ROBO1: variants seen among roughly 807,000 people sequenced by gnomAD.
ROBO1 encodes roundabout guidance receptor 1.
A neutral mutation model predicts 195.9 loss-of-function variants in ROBO1; 149 were observed. The ratio of observed to expected loss-of-function variants is 0.76; its 90% CI spans 0.67 to 0.87. The LOEUF is 0.87. ROBO1 is among the 40% of genes least tolerant of loss of function. The pLI is 0.00. For synonymous variants in ROBO1, 816 were observed against 733.2 expected, an observed-to-expected ratio of 1.11 and a Z score of -1.82; for missense variants, 1,933 against 2,068.3, an observed-to-expected ratio of 0.93 and a Z score of 1.27.
intron 2 of ROBO1, among the ~76,000 whole-genome samples, chr3:79,144,469 C>A (rs925898492): frequency 2.0e-5 from 3 of 151,884 alleles, no homozygotes; most frequent in Non-Finnish European, 4.4e-5. Flanking sequence ...TTCTCCTCTC[C>A]TTTCCTTCTT....
intron 2 of ROBO1, among the ~76,000 whole-genome samples, chr3:79,337,686 T>C (rs2034734314): frequency 6.6e-6 from 1 of 152,224 alleles, no homozygotes; most frequent in Non-Finnish European, 1.5e-5. Context: ...AGCTATACTT[T>C]ATCAAAATAT....
intron 2 of ROBO1, among the ~76,000 whole-genome samples, chr3:79,518,078 C>T (rs1941030037): frequency 6.6e-6 from 1 of 152,096 alleles, no homozygotes; most frequent in Non-Finnish European, 1.5e-5. Flanking sequence ...TTCTAATTTA[C>T]CTACAATGAT....
intron 2 of ROBO1, among the ~76,000 whole-genome samples, chr3:79,309,478 G>T (rs1164003909): frequency 1.3e-5 from 2 of 152,084 alleles, no homozygotes; most frequent in African/African-American, 4.8e-5. Flanking sequence ...GGTGGCATGT[G>T]TCTGTAGTTC....
chr3:78,843,247 A>G (rs1413923002), intron 4 of ROBO1, among the ~76,000 whole-genome samples: 3 of 152,124 alleles, frequency 2.0e-5, no homozygotes, highest in Non-Finnish European at 2.9e-5. Flanking sequence ...TGTTTTAACT[A>G]TTTAAAAATT....
At chr3:79,540,495 G>A (rs570037181) in intron 2 of ROBO1, among the ~76,000 whole-genome samples, 173 of 151,980 alleles carry the variant, frequency 1.1e-3, no homozygotes, top group Non-Finnish European at 1.8e-3. Context: ...TTCAACATCC[G>A]CTCATAACCC....
At chr3:79,307,640 A>G (rs1217632712) in intron 2 of ROBO1, among the ~76,000 whole-genome samples, 1 of 152,032 alleles carries the variant, frequency 6.6e-6, no homozygotes, top group African/African-American at 2.4e-5. Flanking sequence ...TATGGTTCTT[A>G]TTAGAATTTT....
intron 2 of ROBO1, among the ~76,000 whole-genome samples, chr3:79,475,608 T>C (rs1938510904): frequency 1.3e-5 from 2 of 152,064 alleles, no homozygotes; most frequent in South Asian, 2.1e-4. Context: ...ATTTTATTAC[T>C]ATATTACTTA....
chr3:79,534,846 C>A (rs964517484), intron 2 of ROBO1, among the ~76,000 whole-genome samples: 3 of 152,124 alleles, frequency 2.0e-5, no homozygotes, highest in Non-Finnish European at 4.4e-5. Context: ...CCCCTTGAAC[C>A]TCTATCCAGG....
At chr3:79,300,242 G>C (rs994004077) in intron 2 of ROBO1, among the ~76,000 whole-genome samples, 1 of 152,200 alleles carries the variant, frequency 6.6e-6, no homozygotes, top group African/African-American at 2.4e-5. Flanking sequence ...CGGGAACTGC[G>C]GCTGCGCTCG....
At chr3:79,685,763 T>A (rs989624209) in intron 1 of ROBO1, among the ~76,000 whole-genome samples, 1 of 152,092 alleles carries the variant, frequency 6.6e-6, no homozygotes, top group Non-Finnish European at 1.5e-5. Context: ...CAGGACCAGA[T>A]GGATTCACAG....
intron 2 of ROBO1, among the ~76,000 whole-genome samples, chr3:79,444,408 G>A (rs1429891045): frequency 6.6e-6 from 1 of 152,008 alleles, no homozygotes; most frequent in African/African-American, 2.4e-5. Flanking sequence ...ACTATAATAG[G>A]ATAGTATTTC....
intron 3 of ROBO1, among the ~76,000 whole-genome samples, chr3:79,011,069 G>A (rs1009146250): frequency 6.6e-6 from 1 of 152,096 alleles, no homozygotes; most frequent in African/African-American, 2.4e-5. Flanking sequence ...CTAATGGAAC[G>A]GTCTGGATAT....
In ROBO1 at chr3:78,674,445, G is replaced by A. The variant is rs562554507; in HGVS notation, c.1343-4144C>T. 2.6e-5 allele frequency among the ~76,000 whole-genome samples: 4 copies of A among 152,250 alleles called. No individual in the cohort carries two copies. In the South Asian group the frequency reaches 8.3e-4, roughly 32 times the overall value. On this transcript the variant is annotated intron_variant, in intron 10 of 30. Transcript: ENST00000464233. ...ATTTCCAGCACTTGCAATAATTCTAGTTTTACCCATGAAGAATGAGACCAC... is the reference window on the plus strand; with the variant it reads ...ATTTCCAGCACTTGCAATAATTCTAATTTTACCCATGAAGAATGAGACCAC...
chr3:79,486,865 C>T (rs1210769800), intron 2 of ROBO1, among the ~76,000 whole-genome samples: 1 of 152,154 alleles, frequency 6.6e-6, no homozygotes, highest in African/African-American at 2.4e-5. Flanking sequence ...AGAGCTATCC[C>T]TCCTCCCCTC....
At chr3:79,080,969 T>G (rs2079262248) in intron 3 of ROBO1, among the ~76,000 whole-genome samples, 1 of 152,088 alleles carries the variant, frequency 6.6e-6, no homozygotes, top group African/African-American at 2.4e-5. Context: ...GGCCCAGAGT[T>G]GAGGGTGCGT....
At chr3:78,995,163 A>C (rs1372047835) in intron 3 of ROBO1, among the ~76,000 whole-genome samples, 1 of 152,236 alleles carries the variant, frequency 6.6e-6, no homozygotes, top group Non-Finnish European at 1.5e-5. Flanking sequence ...AAGTTGGGTA[A>C]CTGATGATAT....
intron 4 of ROBO1, among the ~76,000 whole-genome samples, chr3:78,788,440 T>TAAAA (rs35773751): frequency 2.6e-4 from 20 of 75,764 alleles, no homozygotes; most frequent in African/African-American, 4.2e-4. Flanking sequence ...TTTTTTTTTT[T>TAAAA]AAAAAAAAAA....
At chr3:79,360,457 T>TA (rs1001928917) in intron 2 of ROBO1, among the ~76,000 whole-genome samples, 1 of 151,818 alleles carries the variant, frequency 6.6e-6, no homozygotes, top group East Asian at 1.9e-4. Context: ...TCTTTTTTAA[T>TA]AAAAAAAGAA....
At chr3:79,045,313 A>G (rs2108346856) in intron 3 of ROBO1, among the ~76,000 whole-genome samples, 1 of 152,188 alleles carries the variant, frequency 6.6e-6, no homozygotes, top group African/African-American at 2.4e-5. Flanking sequence ...AACACCAAAT[A>G]ATGAACTATA....
Sources: gnomAD v4.1 joint callset for allele counts (sites outside exome capture counted in the v4.1 genomes callset) on GRCh38, gnomAD v4.1.1 for gene constraint, MANE v1.5 for transcripts, NCBI Gene and HGNC (gene_info 2026-07-23, HGNC 2026-07-21) for gene names.